HSD17B12: variants seen among roughly 807,000 people sequenced by gnomAD.
HSD17B12 encodes very-long-chain 3-oxoacyl-CoA reductase.
HSD17B12 carries 32 observed loss-of-function variants against 39.3 expected under a neutral mutation model. That is an observed-to-expected ratio of 0.81 (90% CI 0.61 to 1.09). The LOEUF (loss-of-function observed/expected upper bound fraction) is 1.09. HSD17B12 is among the 50% of genes least tolerant of loss of function. The pLI is 0.00. For synonymous variants in HSD17B12, 150 were observed against 146.7 expected (o/e 1.02, Z -0.16); for missense variants, 342 against 382.9 (o/e 0.89, Z 0.89).
At chr11:43,803,963 C>CAAG (rs1950994854) in intron 4 of HSD17B12, among the ~76,000 whole-genome samples, 3 of 152,296 alleles carry the variant, frequency 2.0e-5, no homozygotes, top group Non-Finnish European at 4.4e-5. Context: ...AGGAGAGACT[C>CAAG]TCATGTGTGC....
At chr11:43,789,658 G>A (rs1222053307) in intron 3 of HSD17B12, among the ~76,000 whole-genome samples, 1 of 152,190 alleles carries the variant, frequency 6.6e-6, no homozygotes, top group African/African-American at 2.4e-5. Flanking sequence ...ACATTAAAGA[G>A]AAGGGTAGGC....
chr11:43,777,756 C>T (rs568262558), intron 3 of HSD17B12, among the ~76,000 whole-genome samples: 6 of 152,200 alleles, frequency 3.9e-5, no homozygotes, highest in African/African-American at 1.4e-4. Context: ...TCGTAGATAG[C>T]TCTTATTATT....
chr11:43,605,146 G>C, the HSD17B12 span, among the ~76,000 whole-genome samples: 4 of 152,238 alleles, frequency 2.6e-5, no homozygotes, highest in Non-Finnish European at 5.9e-5. Flanking sequence ...GGGATTTCTG[G>C]GGACTGGAAG....
chr11:43,667,574 C>A, the HSD17B12 span, among the ~76,000 whole-genome samples: 1 of 152,214 alleles, frequency 6.6e-6, no homozygotes, highest in South Asian at 2.1e-4. Flanking sequence ...TGCTTGGGAC[C>A]AGAAGTGTTG....
intron 3 of HSD17B12, among the ~76,000 whole-genome samples, chr11:43,781,094 C>T (rs955468569): frequency 2.6e-5 from 4 of 152,046 alleles, no homozygotes; most frequent in Non-Finnish European, 5.9e-5. Flanking sequence ...CTTGTCTTCC[C>T]CCCAACGCCT....
intron 3 of HSD17B12, among the ~76,000 whole-genome samples, chr11:43,770,535 A>C (rs1183603172): frequency 6.6e-6 from 1 of 152,174 alleles, no homozygotes; most frequent in Non-Finnish European, 1.5e-5. Flanking sequence ...CAAAAGACCA[A>C]CCTGGGCAAC....
intron 7 of HSD17B12, among the ~76,000 whole-genome samples, chr11:43,837,348 T>TG (rs1951381135): frequency 6.6e-6 from 1 of 152,008 alleles, no homozygotes; most frequent in Non-Finnish European, 1.5e-5. Flanking sequence ...GAACCTAGTA[T>TG]GGGAGATAGG....
the HSD17B12 span, among the ~76,000 whole-genome samples, chr11:43,610,627 G>A: frequency 2.0e-5 from 3 of 152,136 alleles, no homozygotes; most frequent in African/African-American, 7.2e-5. Flanking sequence ...TATAATACTA[G>A]TAGATGGTAG....
At chr11:43,810,401 AT>A in intron 4 of HSD17B12, among the ~76,000 whole-genome samples, 1 of 67,478 alleles carries the variant, frequency 1.5e-5, no homozygotes, top group African/African-American at 6.5e-5. Flanking sequence ...ATATATATAT[AT>A]AAAATTCAGA....
At chr11:43,715,445 C>T (rs1207900740) in intron 1 of HSD17B12, among the ~76,000 whole-genome samples, 37 of 152,124 alleles carry the variant, frequency 2.4e-4, no homozygotes, top group African/African-American at 8.2e-4. Flanking sequence ...TTGGGTATGT[C>T]GAACCAGCCT....
At chr11:43,776,954 CAT>C (rs1384331722) in intron 3 of HSD17B12, among the ~76,000 whole-genome samples, 1 of 152,048 alleles carries the variant, frequency 6.6e-6, no homozygotes. Flanking sequence ...TGTTCTGTTC[CAT>C]TGATCTATAT....
At chr11:43,622,099 G>A in the HSD17B12 span, among the ~76,000 whole-genome samples, 7 of 152,168 alleles carry the variant, frequency 4.6e-5, no homozygotes, top group African/African-American at 1.7e-4. Context: ...TCCAAAAATA[G>A]GAAAGGGTTT....
In HSD17B12 at chr11:43,832,767, C is replaced by T. The variant is rs571628810; in HGVS notation, c.536+1757C>T. Among the ~76,000 whole-genome samples the T allele has an allele frequency of 6.6e-5, 10 of 152,264 alleles. No homozygotes were observed. The South Asian group carries it at 1.2e-3, about 19-fold the overall frequency. On this transcript the variant is annotated intron_variant, in intron 7 of 10. Transcript: ENST00000278353. ...AGTTGAAGCTGGGCGCAGTGGTTCA[C>T]GCCTATAATCCCAGCACTTTGGGAG...
At chr11:43,601,011 A>G in the HSD17B12 span, among the ~76,000 whole-genome samples, 5 of 149,982 alleles carry the variant, frequency 3.3e-5, no homozygotes, top group African/African-American at 1.2e-4. Context: ...ATATACATAT[A>G]TTTTTTTCAA....
intron 1 of HSD17B12, among the ~76,000 whole-genome samples, chr11:43,702,617 C>T (rs1321628119): frequency 2.6e-5 from 4 of 152,022 alleles, no homozygotes; most frequent in Admixed American, 6.6e-5. Flanking sequence ...TATGATGTAT[C>T]GCATTCATTG....
the HSD17B12 span, among the ~76,000 whole-genome samples, chr11:43,601,848 A>T: frequency 6.6e-6 from 1 of 152,314 alleles, no homozygotes; most frequent in African/African-American, 2.4e-5. Flanking sequence ...CCAGGTTTAG[A>T]ATGTTCAGTG....
chr11:43,595,924 G>C, the HSD17B12 span, among the ~76,000 whole-genome samples: 2 of 152,202 alleles, frequency 1.3e-5, no homozygotes, highest in African/African-American at 4.8e-5. Context: ...TTGCAAGTTG[G>C]CCTGAAGAAT....
intron 1 of HSD17B12, among the ~76,000 whole-genome samples, chr11:43,719,444 G>C (rs1269155178): frequency 6.6e-6 from 1 of 152,132 alleles, no homozygotes; most frequent in Non-Finnish European, 1.5e-5. Flanking sequence ...ATCCCTGGAA[G>C]AGGCTGTGTG....
chr11:43,710,642 G>A (rs1950056717), intron 1 of HSD17B12, among the ~76,000 whole-genome samples: 1 of 152,126 alleles, frequency 6.6e-6, no homozygotes, highest in Non-Finnish European at 1.5e-5. Flanking sequence ...TCTAGAGGGT[G>A]CTTAATGAGC....
Sources: allele counts gnomAD v4.1 joint callset (sites outside exome capture counted in the v4.1 genomes callset), GRCh38; gene constraint gnomAD v4.1.1; transcripts MANE v1.5; gene names NCBI Gene and HGNC (gene_info 2026-07-23, HGNC 2026-07-21).